The following BCAR1 variants were observed in gnomAD, a reference collection of about 807,000 sequenced individuals.
The protein encoded by BCAR1 is BCAR1 scaffold protein, Cas family member.
Under a neutral mutation model 67.6 loss-of-function variants are expected in BCAR1, and 30 were observed. That is an observed-to-expected ratio of 0.44 (90% CI 0.33 to 0.60). The LOEUF is 0.60. Ranked by LOEUF, BCAR1 falls within the 20% of genes least tolerant of loss-of-function variation. The pLI, the probability that BCAR1 is intolerant of heterozygous loss-of-function variation, is 0.02. For missense variants in BCAR1, 1,313 were observed against 1,222.3 expected, an observed-to-expected ratio of 1.07 and a Z score of -1.11; for synonymous variants, 626 against 556.7, an observed-to-expected ratio of 1.12 and a Z score of -1.75.
intron 1 of BCAR1, chr16:75,264,354 C>A: frequency 1.3e-6 from 2 of 1,521,878 alleles, no homozygotes; most frequent in South Asian, 1.2e-5. Flanking sequence ...GGGATACCGG[C>A]CCTCCAGCAG....
intron 1 of BCAR1, among the ~76,000 whole-genome samples, chr16:75,251,247 C>T (rs2077671402): frequency 6.6e-6 from 1 of 152,058 alleles, no homozygotes; most frequent in Non-Finnish European, 1.5e-5. Flanking sequence ...GCGGCCCCCG[C>T]GCCCGGCCCC....
At chr16:75,248,275 T>C (rs1176192097) in intron 1 of BCAR1, 1 of 1,443,832 alleles carries the variant, frequency 6.9e-7, no homozygotes, top group Non-Finnish European at 9.1e-7. Flanking sequence ...AACGCACACA[T>C]GCACCCGCCC....
At chr16:75,264,861 G>A in intron 1 of BCAR1, 2 of 195,420 alleles carry the variant, frequency 1.0e-5, no homozygotes, top group Non-Finnish European at 9.9e-6. Context: ...GCAGGGAAAC[G>A]ATGGCTGGAG....
In BCAR1 at chr16:75,235,725, C is replaced by A; in HGVS notation, c.1174G>T (p.Glu392Ter). 1 of 1,606,350 alleles carries A rather than the reference C, an allele frequency of 6.2e-7. No individual in the cohort carries two copies. Among genetic ancestry groups the A allele is most frequent in the Admixed American group, 1.7e-5 (1 of 59,558 alleles). ...GPGTLYDVPRERVLPPEVADG... is the reference protein window; with the variant it reads ...GPGTLYDVPR ...GCCACCTCAGGAGGAAGCACCCGTT[C>A]ACGGGGCACATCGTACAGGGTGCCC... is the stretch of plus-strand genomic sequence containing the variant. The change falls in exon 5 of 7, where the codon GAA becomes TAA. Residue 392 changes from glutamate (E) to a stop codon, truncating the protein, a stop_gained. Transcript: ENST00000162330. LOFTEE classifies it high-confidence loss of function.
In BCAR1 at chr16:75,251,470, C is replaced by A; in HGVS notation, c.12+1G>T. The A allele has an allele frequency of 7.6e-6, 11 of 1,443,318 alleles. No homozygotes were observed. Among genetic ancestry groups the A allele is most frequent in the Non-Finnish European group, 1.0e-5 (11 of 1,097,228 alleles). 89.4% of individuals were successfully genotyped at this position (1,443,318 alleles called of 1,614,324 possible). On this transcript the variant is annotated splice_donor_variant, in intron 1 of 6. Transcript: ENST00000162330. LOFTEE classifies it high-confidence loss of function. Reference sequence around the variant, plus strand: ...GGCCCGGCCCCACCTGGCGCCCTCACCAGGTGGTTCATGGTGTCCGGCGGG... The same window carrying A: ...GGCCCGGCCCCACCTGGCGCCCTCAACAGGTGGTTCATGGTGTCCGGCGGG...
chr16:75,242,030 C>T (rs2077359253), intron 2 of BCAR1, among the ~76,000 whole-genome samples: 1 of 152,324 alleles, frequency 6.6e-6, no homozygotes, highest in African/African-American at 2.4e-5. Flanking sequence ...AGGGGTTGGC[C>T]TGTGGAGGCA....
upstream of BCAR1, among the ~76,000 whole-genome samples, chr16:75,253,785 G>A (rs1253031109): frequency 6.6e-6 from 1 of 150,826 alleles, no homozygotes; most frequent in South Asian, 2.1e-4. Context: ...TCTGGCCGGG[G>A]TATATGGGGG....
At position 75,262,386 on chromosome 16, in the gene BCAR1, G is replaced by A. The variant is rs1160454081; in HGVS notation, c.66+5529C>T. ...CAACCACATCACCCCACCAACAAAT[G>A]GACAATGGCAGACGGCGCCGGGAAG... On this transcript the variant is annotated intron_variant, in intron 1 of 6. Coordinates refer to the BCAR1 transcript ENST00000393422. Among the ~76,000 whole-genome samples the A allele has an allele frequency of 2.0e-5, 3 of 152,214 alleles. No individual in the cohort carries two copies. In the East Asian group the frequency reaches 5.8e-4, roughly 29 times the overall value.
intron 5 of BCAR1, among the ~76,000 whole-genome samples, chr16:75,234,481 A>T (rs185708413): frequency 6.6e-6 from 1 of 152,268 alleles, no homozygotes; most frequent in Admixed American, 6.5e-5. Context: ...GGCCCAGCTC[A>T]GCCTGGAATG....
intron 1 of BCAR1, chr16:75,248,420 G>T: frequency 5.5e-6 from 6 of 1,092,460 alleles, no homozygotes; most frequent in Non-Finnish European, 6.9e-6. Flanking sequence ...CGTGGCCAAC[G>T]GATGCAGGCC....
intron 4 of BCAR1, chr16:75,236,308 T>C: frequency 2.2e-6 from 1 of 444,968 alleles, no homozygotes; most frequent in Non-Finnish European, 4.0e-6. Context: ...TTGCATGTGT[T>C]AATTCACATA....
In BCAR1 at chr16:75,229,659, A is replaced by C; in HGVS notation, c.2465T>G (p.Leu822Arg). ...VTHYSNLLCD[L>R]LRGIVATTKA... ...GGTGGTGGCCACGATGCCGCGCAGG[A>C]GGTCGCACAGCAGGTTGCTGTAGTG... Residue 822 changes from leucine to arginine, a missense_variant, in exon 7 of 7, where the codon CTC (leucine) becomes CGC (arginine). By Grantham distance (102) the Leu-to-Arg change is moderately radical (BLOSUM62 -2). This residue lies in a region of BCAR1 where 1,272 missense variants were observed against 1,137.5 expected (regional missense o/e 1.12). Transcript: ENST00000162330. The C allele has an allele frequency of 6.2e-7, 1 of 1,612,840 alleles. No homozygotes were observed. The highest frequency in any genetic ancestry group is 8.5e-7 in the Non-Finnish European group (1 of 1,179,924).
chr16:75,254,425 A>G (rs2077736910), upstream of BCAR1, among the ~76,000 whole-genome samples: 1 of 152,212 alleles, frequency 6.6e-6, no homozygotes. Context: ...GAAGGGGTGC[A>G]GTAAACATTT....
At chr16:75,264,676 T>A in intron 1 of BCAR1, 4 of 1,248,714 alleles carry the variant, frequency 3.2e-6, no homozygotes, top group Non-Finnish European at 3.0e-6. Context: ...GCTTTGCACT[T>A]GGCCAGCTTC....
intron 2 of BCAR1, among the ~76,000 whole-genome samples, chr16:75,239,727 C>A (rs1325181159): frequency 6.6e-6 from 1 of 152,198 alleles, no homozygotes; most frequent in Non-Finnish European, 1.5e-5. Context: ...GAGGGGCTCA[C>A]CCGACCTGGG....
At chr16:75,251,730 C>T (rs1362613601), upstream of BCAR1, 2 of 976,034 alleles carry the variant, frequency 2.0e-6, no homozygotes, top group African/African-American at 1.8e-5. Flanking sequence ...AAATAAGCCG[C>T]CTGTCGGGGG....
At chr16:75,248,105 A>AG in intron 1 of BCAR1, 2 of 1,597,822 alleles carry the variant, frequency 1.3e-6, no homozygotes. Context: ...CTGACAGCCC[A>AG]GGGTCACTGA....
At chr16:75,257,456 A>G (rs1015657373) in intron 1 of BCAR1, among the ~76,000 whole-genome samples, 1 of 151,910 alleles carries the variant, frequency 6.6e-6, no homozygotes, top group African/African-American at 2.4e-5. Context: ...AGGGAAAGCA[A>G]TGCTTTTTTT....
intron 1 of BCAR1, among the ~76,000 whole-genome samples, chr16:75,259,956 G>T (rs1597283326): frequency 2.0e-5 from 3 of 152,096 alleles, no homozygotes; most frequent in African/African-American, 7.2e-5. Context: ...CACTTTGGGA[G>T]GCCAAGGCGG....
Sources: allele counts gnomAD v4.1 joint callset (sites outside exome capture counted in the v4.1 genomes callset), GRCh38; gene constraint gnomAD v4.1.1; regional missense constraint gnomAD v4.1.1; transcripts MANE v1.5; gene names NCBI Gene and HGNC (gene_info 2026-07-23, HGNC 2026-07-21).